KIR2DL3: variants seen among roughly 807,000 people sequenced by gnomAD.
The protein encoded by KIR2DL3 is killer cell immunoglobulin like receptor, two Ig domains and long cytoplasmic tail 3.
A neutral mutation model predicts 33.8 loss-of-function variants in KIR2DL3; 39 were observed. That is an observed-to-expected ratio of 1.15 (90% CI 0.89 to 1.51). KIR2DL3 has a LOEUF of 1.51. KIR2DL3 is among the 40% of genes most tolerant of loss of function. KIR2DL3 has a pLI of 0.00. For synonymous variants in KIR2DL3, 174 were observed against 160.2 expected, an observed-to-expected ratio of 1.09 and a Z score of -0.65; for missense variants, 462 against 426.2, an observed-to-expected ratio of 1.08 and a Z score of -0.74.
intron 5 of KIR2DL3, among the ~76,000 whole-genome samples, chr19:54,747,693 TG>T (rs1242572413): frequency 2.7e-4 from 41 of 152,292 alleles, no homozygotes; most frequent in African/African-American, 9.9e-4. Flanking sequence ...GATAAATTCC[TG>T]GGGGCTTGAG....
chr19:54,752,300 G>C lies in KIR2DL3; in HGVS notation c.873+32G>C, dbSNP rs4020199. On this transcript the variant is annotated intron_variant, in intron 7 of 7. Coordinates refer to ENST00000342376, the MANE Select transcript of KIR2DL3 (RefSeq NM_015868.3). ...GCTCCTCGGCCCAGCCTCGTGGCTA[G>C]TGTTATTCCCAAAGAGTCCTGGAAA... is the stretch of plus-strand genomic sequence containing the variant. The C allele has an allele frequency of 2.4e-5, 35 of 1,484,936 alleles. 6 individuals carry two copies. Among genetic ancestry groups the C allele is most frequent in the African/African-American group, 1.5e-4 (10 of 65,820 alleles). 92.0% of individuals were successfully genotyped at this position (1,484,936 alleles called of 1,614,324 possible).
rs1485456161 is a variant in KIR2DL3, at chr19:54,743,844, G to A, written c.420G>A (p.Leu140=). The A allele has an allele frequency of 6.2e-6, 10 of 1,613,252 alleles. No individual in the cohort carries two copies. Among genetic ancestry groups the A allele is most frequent in the Non-Finnish European group, 8.5e-6 (10 of 1,179,586 alleles). The change falls in exon 4 of 8, where the codon CTG becomes CTA. Residue 140 remains leucine, a synonymous_variant. Coordinates refer to ENST00000342376, the MANE Select transcript of KIR2DL3 (RefSeq NM_015868.3). ...SLSAQPGPTV[L]AGESVTLSCS... is the part of the protein sequence containing the mutation. The stretch of plus-strand genomic sequence containing the variant: ...CAGCCCAGCCGGGCCCCACGGTTCT[G>A]GCAGGAGAGAGCGTGACCTTGTCCT...
intron 5 of KIR2DL3, 119 bp downstream of exon 5, chr19:54,747,504 C>G: frequency 7.6e-7 from 1 of 1,321,964 alleles, no homozygotes; most frequent in Non-Finnish European, 1.1e-6. Context: ...TCTACCATCT[C>G]CGAACTCCAG....
intron 3 of KIR2DL3, among the ~76,000 whole-genome samples, chr19:54,743,440 A>C (rs2071576120): frequency 6.6e-6 from 1 of 151,486 alleles, no homozygotes; most frequent in Admixed American, 6.5e-5. Context: ...ATAGATAAAT[A>C]GATAGATCGA....
rs777822804 is a variant in KIR2DL3 at position 54,747,372 on chromosome 19, A to G, written c.702A>G (p.Pro234=). 9.9e-6 allele frequency: 16 copies of G among 1,611,358 alleles called. No individual in the cohort carries two copies. The South Asian group carries it at 1.8e-4, about 18-fold the overall frequency. Residue 234 remains proline (P), a synonymous_variant, in exon 5 of 8, where the codon CCA becomes CCG. Coordinates refer to ENST00000342376, the MANE Select transcript of KIR2DL3 (RefSeq NM_015868.3). The part of the protein sequence containing the change: ...PSNSWPSPTE[P]SSETGNPRHL... ...ATAGTTGGCCTTCACCCACTGAACC[A>G]AGCTCCGAAACCGGTGAGTACAGAA...
chr19:54,743,016 G>A (rs2071476083), intron 3 of KIR2DL3, among the ~76,000 whole-genome samples: 1 of 151,742 alleles, frequency 6.6e-6, no homozygotes, highest in Admixed American at 6.6e-5. Context: ...ATGATGGCAG[G>A]GAGCAGAGAA....
Position 54,752,147 on chromosome 19 carries a change from G to A in KIR2DL3, c.821-69G>A, listed in dbSNP as rs1330888774. 4.7e-5 allele frequency: 67 copies of A among 1,411,524 alleles called. 12 individuals carry two copies. Among genetic ancestry groups the A allele is most frequent in the Non-Finnish European group, 5.8e-5 (60 of 1,034,098 alleles). 87.4% of individuals were successfully genotyped at this position (1,411,524 alleles called of 1,614,324 possible). A position where few individuals can be genotyped will look rare whatever the true frequency, so the allele number is the denominator to read the frequency against. ...TCCTATGGTCTCCCCCTGTATGTTG[G>A]TATCTGCTTATGAAATGAGGGCCCA... On this transcript the variant is annotated intron_variant, in intron 6 of 7. Coordinates refer to ENST00000342376, the MANE Select transcript of KIR2DL3 (RefSeq NM_015868.3).
chr19:54,745,014 C>G (rs76755556), intron 4 of KIR2DL3, among the ~76,000 whole-genome samples: 15 of 123,070 alleles, frequency 1.2e-4, no homozygotes, highest in African/African-American at 4.5e-4. Context: ...CTGGAAGCCA[C>G]CATTCTACTC....
At chr19:54,743,307 T>A (rs1225195712) in intron 3 of KIR2DL3, among the ~76,000 whole-genome samples, 1 of 151,846 alleles carries the variant, frequency 6.6e-6, no homozygotes, top group African/African-American at 2.4e-5. Flanking sequence ...ACAGAAATCA[T>A]AGAGAGAGAG....
At chr19:54,744,868 A>ATTTT (rs1166200384) in intron 4 of KIR2DL3, among the ~76,000 whole-genome samples, 3 of 92,406 alleles carry the variant, frequency 3.2e-5, no homozygotes, top group African/African-American at 1.4e-4. Context: ...TCATAAATAC[A>ATTTT]TTTATATATA....
chr19:54,752,191 T>C lies in KIR2DL3; in HGVS notation c.821-25T>C. The C allele has an allele frequency of 2.7e-6, 4 of 1,460,142 alleles. 1 individual carries two copies. The highest frequency in any genetic ancestry group is 2.3e-5 in the East Asian group (1 of 44,210). The allele number at this position is 1,460,142 out of a possible 1,614,324, so 90.4% of individuals were successfully genotyped here. ...GGGCCCAGAAGTGCCCTCTGAGCTG[T>C]TTTGTTGACTTCCGTCTTCTACAGA... On this transcript the variant is annotated intron_variant, in intron 6 of 7. Coordinates refer to ENST00000342376, the MANE Select transcript of KIR2DL3 (RefSeq NM_015868.3).
chr19:54,739,380 G>A, intron 1 of KIR2DL3, 127 bp from the exon 2 acceptor site: 2 of 1,507,126 alleles, frequency 1.3e-6, no homozygotes, highest in South Asian at 1.1e-5. Context: ...GTGCAGGTAG[G>A]CACTGAGGGT....
chr19:54,752,576 G>A lies in KIR2DL3; in HGVS notation c.*57G>A, dbSNP rs926691328. 1.1e-5 allele frequency: 16 copies of A among 1,455,400 alleles called. 3 individuals carry two copies. The African/African-American group carries it at 2.2e-4, about 20-fold the overall frequency. 90.2% of individuals were successfully genotyped at this position (1,455,400 alleles called of 1,614,324 possible). A position where few individuals can be genotyped will look rare whatever the true frequency, so the allele number is the denominator to read the frequency against. On this transcript the variant is annotated 3_prime_UTR_variant, in exon 8 of 8. Transcript: ENST00000342376. ...AGTCAGGCCTTGAGGGGATCTTCTA[G>A]GGAGACAACAGCCCTGTCTCAAAAC...
At chr19:54,742,372 T>A in intron 3 of KIR2DL3, 93 bp downstream of exon 3, 1 of 1,533,354 alleles carries the variant, frequency 6.5e-7, no homozygotes, top group Non-Finnish European at 9.0e-7. Flanking sequence ...AAGATGAGCT[T>A]GGTATTCTTA....
Position 54,752,133 on chromosome 19 carries a change from C to T in KIR2DL3, c.821-83C>T, listed in dbSNP as rs938168021. 2.0e-5 allele frequency: 27 copies of T among 1,369,114 alleles called. 3 individuals carry two copies. Among genetic ancestry groups the T allele is most frequent in the East Asian group, 9.1e-5 (4 of 43,966 alleles). 84.8% of individuals were successfully genotyped at this position (1,369,114 alleles called of 1,614,324 possible). On this transcript the variant is annotated intron_variant, in intron 6 of 7. Transcript: ENST00000342376. ...GAGGGACCTCAGGCTCCTATGGTCT[C>T]CCCCTGTATGTTGGTATCTGCTTAT...
At chr19:54,747,830 T>C (rs2072792812) in intron 5 of KIR2DL3, among the ~76,000 whole-genome samples, 1 of 152,186 alleles carries the variant, frequency 6.6e-6, no homozygotes, top group Non-Finnish European at 1.5e-5. Context: ...AGCCTTGCCG[T>C]AACAGAGAAC....
At position 54,743,644 on chromosome 19, in the gene KIR2DL3, G is replaced by C. The variant is rs1229091063; in HGVS notation, c.371-151G>C. 16 of 979,406 alleles carry C rather than the reference G, an allele frequency of 1.6e-5. No individual in the cohort carries two copies. The East Asian group carries it at 4.1e-4, about 25-fold the overall frequency. The allele number at this position is 979,406 out of a possible 1,614,324, so 60.7% of individuals were successfully genotyped here. A position where few individuals can be genotyped will look rare whatever the true frequency, so the allele number is the denominator to read the frequency against. ...AGAGAGACAGAGAAGGTGGAAGAAG[G>C]AAATAGACATGAAGAGAGATGGGGT... is the stretch of plus-strand genomic sequence containing the variant. On this transcript the variant is annotated intron_variant, in intron 3 of 7. Transcript: ENST00000342376.
chr19:54,748,565 T>C (rs1228637767), intron 5 of KIR2DL3, among the ~76,000 whole-genome samples: 2 of 148,676 alleles, frequency 1.3e-5, no homozygotes, highest in Non-Finnish European at 3.0e-5. Context: ...AATGCACAAG[T>C]GGATCTATAA....
chr19:54,752,139 G>A, intron 6 of KIR2DL3, 77 bp from the exon 7 acceptor site: 1 of 1,388,074 alleles, frequency 7.2e-7, no homozygotes, highest in Non-Finnish European at 9.9e-7. Flanking sequence ...GTCTCCCCCT[G>A]TATGTTGGTA....
Sources: allele counts gnomAD v4.1 joint callset (sites outside exome capture counted in the v4.1 genomes callset), GRCh38; gene constraint gnomAD v4.1.1; transcripts MANE v1.5; gene names NCBI Gene and HGNC (gene_info 2026-07-23, HGNC 2026-07-21).